The following DMD variants were observed in gnomAD, a reference collection of about 807,000 sequenced individuals.
DMD encodes the protein dystrophin.
A neutral mutation model predicts 330.1 loss-of-function variants in DMD; 63 were observed. The observed-to-expected ratio is 0.19, with a 90% CI of 0.16 to 0.24. The LOEUF (loss-of-function observed/expected upper bound fraction) is 0.24. Among genes scored for constraint, DMD ranks in the 10% least tolerant of loss-of-function variants. DMD has a pLI of 1.00. For missense variants in DMD, 3,344 were observed against 2,684.1 expected (o/e 1.25, Z -5.43); for synonymous variants, 1,223 against 959.8 (o/e 1.27, Z -5.07).
chrX:32,782,721 T>C (rs1416457396), intron 7 of DMD, among the ~76,000 whole-genome samples: 1 of 110,039 alleles, frequency 9.1e-6, no homozygotes, highest in African/African-American at 3.3e-5. Context: ...GTGAATATAG[T>C]CAATAATTGT....
intron 61 of DMD, among the ~76,000 whole-genome samples, chrX:31,327,952 T>C (rs2056881641): frequency 8.9e-6 from 1 of 112,662 alleles, no homozygotes; most frequent in African/African-American, 3.2e-5. Context: ...CTTTTAGCAT[T>C]TGGCAATCAT....
intron 17 of DMD, among the ~76,000 whole-genome samples, chrX:32,532,312 G>C (rs931489706): frequency 2.7e-5 from 3 of 112,080 alleles, no homozygotes; most frequent in African/African-American, 9.8e-5. Flanking sequence ...ACATAATCTA[G>C]AATAAGTGCA....
chrX:32,530,213 C>A (rs1012876407), intron 17 of DMD, among the ~76,000 whole-genome samples: 5 of 112,003 alleles, frequency 4.5e-5, no homozygotes, highest in African/African-American at 1.6e-4. Flanking sequence ...TTTAAAAATT[C>A]TGCTTTTTAA....
At chrX:32,497,852 T>A (rs1253189907) in intron 19 of DMD, among the ~76,000 whole-genome samples, 2 of 111,697 alleles carry the variant, frequency 1.8e-5, no homozygotes, top group Non-Finnish European at 3.8e-5. Context: ...AAGGCATCAG[T>A]TTAAAGACTG....
intron 43 of DMD, among the ~76,000 whole-genome samples, chrX:32,271,323 C>T (rs2097364411): frequency 1.8e-5 from 2 of 112,265 alleles, no homozygotes; most frequent in Admixed American, 1.9e-4. Context: ...TCTAAATTGT[C>T]ATTTCCTACA....
intron 11 of DMD, among the ~76,000 whole-genome samples, chrX:32,623,716 G>A (rs1480493439): frequency 1.8e-5 from 2 of 109,946 alleles, no homozygotes; most frequent in Non-Finnish European, 3.8e-5. Context: ...TTGTATAGAT[G>A]TGGTCTCCCT....
At chrX:31,168,405 G>A (rs774242026) in intron 74 of DMD, among the ~76,000 whole-genome samples, 2 of 111,129 alleles carry the variant, frequency 1.8e-5, no homozygotes, top group Non-Finnish European at 3.8e-5. Context: ...TGCAAGGGTG[G>A]GAAAGAGACT....
intron 34 of DMD, among the ~76,000 whole-genome samples, chrX:32,366,269 G>C (rs2147272660): frequency 8.9e-6 from 1 of 112,161 alleles, no homozygotes; most frequent in African/African-American, 3.2e-5. Context: ...ATTCCACTGA[G>C]TCTGTGCCTG....
intron 11 of DMD, among the ~76,000 whole-genome samples, chrX:32,618,611 C>T (rs985437976): frequency 9.0e-6 from 1 of 110,881 alleles, no homozygotes; most frequent in Non-Finnish European, 1.9e-5. Flanking sequence ...ACTTCCATGA[C>T]ACAAGTTTAC....
rs2059021845 is a variant in DMD, at chrX:32,635,313, C to A, written c.1331+8819G>T. 3.6e-5 allele frequency among the ~76,000 whole-genome samples: 4 copies of A among 111,248 alleles called. 1 individual carries two copies. The Admixed American group carries it at 3.8e-4, about 11-fold the overall frequency. On this transcript the variant is annotated intron_variant, in intron 11 of 78. Transcript: ENST00000357033. ...CAACCCAAAAACCAGGTACTACGAT[C>A]ATGCACCTAATTTTTCACTCTTATG...
chrX:32,098,614 C>A (rs2096524211), intron 44 of DMD, among the ~76,000 whole-genome samples: 2 of 111,878 alleles, frequency 1.8e-5, no homozygotes, highest in African/African-American at 6.5e-5. Context: ...TTGCTCCTAG[C>A]ACAATGTTTG....
At chrX:31,732,195 A>G (rs778852853) in intron 51 of DMD, among the ~76,000 whole-genome samples, 122 of 111,648 alleles carry the variant, frequency 1.1e-3, no homozygotes, top group African/African-American at 3.8e-3. Context: ...AAATATTTCA[A>G]AACAAAATTT....
chrX:32,663,734 T>C (rs1474530054), intron 9 of DMD, among the ~76,000 whole-genome samples: 1 of 110,751 alleles, frequency 9.0e-6, no homozygotes, highest in Non-Finnish European at 1.9e-5. Context: ...ATAAGTAAAA[T>C]AGAAGGATGT....
chrX:31,938,996 C>T (rs2094958401), intron 45 of DMD, among the ~76,000 whole-genome samples: 1 of 111,431 alleles, frequency 9.0e-6, no homozygotes, highest in African/African-American at 3.3e-5. Flanking sequence ...CCAAAATAAG[C>T]ATAAATTGAG....
At chrX:31,856,088 T>C (rs2093609344) in intron 48 of DMD, among the ~76,000 whole-genome samples, 1 of 111,930 alleles carries the variant, frequency 8.9e-6, no homozygotes, top group South Asian at 3.7e-4. Context: ...AGACAACTCA[T>C]ATTAATCGGT....
At chrX:32,312,009 C>G (rs1281735962) in intron 41 of DMD, among the ~76,000 whole-genome samples, 2 of 111,712 alleles carry the variant, frequency 1.8e-5, no homozygotes, top group African/African-American at 6.5e-5. Context: ...TCATCTAAAG[C>G]AAGCGTATTT....
At chrX:32,533,563 T>G (rs1476462732) in intron 17 of DMD, among the ~76,000 whole-genome samples, 1 of 112,021 alleles carries the variant, frequency 8.9e-6, no homozygotes, top group African/African-American at 3.2e-5. Flanking sequence ...TTTCTAACAT[T>G]TTATTAGTAC....
chrX:31,147,463 A>G lies in DMD; in HGVS notation c.10609T>C (p.Ser3537Pro), dbSNP rs150957972. The stretch of plus-strand genomic sequence containing the variant: ...ATTTCAGGAGGGGACGGCAGTGGGG[A>G]CAGGCCTTTATGTTCGTGCTGCTGC... ...LKQQHEHKGL[S>P]PLPSPPEMMP... Residue 3537 changes from serine (S) to proline (P), a missense_variant, in exon 75 of 79, where the codon TCC (serine) becomes CCC (proline). Coordinates refer to ENST00000357033, the MANE Select transcript of DMD (RefSeq NM_004006.3). 1 of 1,202,058 alleles carries G rather than the reference A, an allele frequency of 8.3e-7. No homozygotes were observed. Among genetic ancestry groups the G allele is most frequent in the South Asian group, 1.8e-5 (1 of 56,274 alleles).
chrX:31,691,203 A>AT (rs2083098043), intron 52 of DMD, among the ~76,000 whole-genome samples: 1 of 111,546 alleles, frequency 9.0e-6, no homozygotes. Context: ...ACACAATCAA[A>AT]TTTAAGTTAT....
Sources: gnomAD v4.1 joint callset for allele counts (sites outside exome capture counted in the v4.1 genomes callset) on GRCh38, gnomAD v4.1.1 for gene constraint, MANE v1.5 for transcripts, NCBI Gene and HGNC (gene_info 2026-07-23, HGNC 2026-07-21) for gene names.